Variants in ENTREP2 observed in about 807,000 individuals in gnomAD.
ENTREP2 encodes the protein protein ENTREP2.
At chr15:29,284,032 G>A in the ENTREP2 span, among the ~76,000 whole-genome samples, 10 of 152,164 alleles carry the variant, frequency 6.6e-5, no homozygotes, top group Non-Finnish European at 1.3e-4. Flanking sequence ...GATATGGAGG[G>A]TGGATGCAGG....
the ENTREP2 span, among the ~76,000 whole-genome samples, chr15:29,413,969 C>T: frequency 6.6e-6 from 1 of 152,072 alleles, no homozygotes; most frequent in Non-Finnish European, 1.5e-5. Context: ...TATATATGCA[C>T]CCAATACAGG....
At chr15:29,514,250 G>T in the ENTREP2 span, among the ~76,000 whole-genome samples, 2 of 152,136 alleles carry the variant, frequency 1.3e-5, no homozygotes, top group East Asian at 3.9e-4. Context: ...TCCAGCCCCC[G>T]GCAACCACCA....
At chr15:29,236,530 T>C in the ENTREP2 span, among the ~76,000 whole-genome samples, 1 of 151,768 alleles carries the variant, frequency 6.6e-6, no homozygotes, top group Non-Finnish European at 1.5e-5. Flanking sequence ...GCACCTGTAG[T>C]CCTACCTACT....
the ENTREP2 span, among the ~76,000 whole-genome samples, chr15:29,630,426 A>G: frequency 6.6e-6 from 1 of 152,066 alleles, no homozygotes; most frequent in Non-Finnish European, 1.5e-5. Context: ...TTCAGTTTTC[A>G]GAAGTTTTAT....
At chr15:29,135,625 C>G in the ENTREP2 span, among the ~76,000 whole-genome samples, 2 of 152,184 alleles carry the variant, frequency 1.3e-5, no homozygotes, top group Non-Finnish European at 1.5e-5. The surrounding 1 kb of genome is among the most constrained non-coding windows in gnomAD (Gnocchi z 7.4). Context: ...GGACAACATC[C>G]CATTTCGTCC....
At chr15:29,366,896 A>G in the ENTREP2 span, among the ~76,000 whole-genome samples, 1 of 152,226 alleles carries the variant, frequency 6.6e-6, no homozygotes, top group African/African-American at 2.4e-5. Context: ...ATTTTAGGAC[A>G]GCAAGGAGAT....
the ENTREP2 span, among the ~76,000 whole-genome samples, chr15:29,567,182 A>G: frequency 6.6e-6 from 1 of 152,102 alleles, no homozygotes; most frequent in African/African-American, 2.4e-5. Flanking sequence ...GGGGTCCTCA[A>G]ACAATGGAAA....
chr15:29,579,920 C>T, the ENTREP2 span, among the ~76,000 whole-genome samples: 11 of 151,868 alleles, frequency 7.2e-5, no homozygotes, highest in Non-Finnish European at 2.9e-5. Flanking sequence ...CCGTGTTAGC[C>T]AGGATGGTCT....
At chr15:29,158,194 AC>A in the ENTREP2 span, among the ~76,000 whole-genome samples, 1 of 152,194 alleles carries the variant, frequency 6.6e-6, no homozygotes, top group East Asian at 1.9e-4. Flanking sequence ...ACAGACAGAA[AC>A]ACCAACTCTG....
At chr15:29,263,378 G>A in the ENTREP2 span, among the ~76,000 whole-genome samples, 1 of 152,198 alleles carries the variant, frequency 6.6e-6, no homozygotes, top group African/African-American at 2.4e-5. Context: ...AAGTGGGACA[G>A]AACAAGTTCC....
the ENTREP2 span, among the ~76,000 whole-genome samples, chr15:29,654,723 T>C: frequency 2.6e-5 from 4 of 151,932 alleles, no homozygotes; most frequent in Admixed American, 6.6e-5. Context: ...CACTCTAGGC[T>C]AAAAAAAATT....
At chr15:29,439,597 T>C in the ENTREP2 span, among the ~76,000 whole-genome samples, 1 of 152,212 alleles carries the variant, frequency 6.6e-6, no homozygotes, top group Non-Finnish European at 1.5e-5. Flanking sequence ...TGATTGCTGC[T>C]GGGCCCAGAT....
the ENTREP2 span, among the ~76,000 whole-genome samples, chr15:29,317,458 G>A: frequency 6.6e-6 from 1 of 151,830 alleles, no homozygotes; most frequent in Non-Finnish European, 1.5e-5. Flanking sequence ...AAAATAGTCA[G>A]GAACAGACCT....
the ENTREP2 span, chr15:29,269,274 T>C: frequency 6.2e-7 from 1 of 1,614,164 alleles, no homozygotes; most frequent in East Asian, 2.2e-5. Context: ...TGGGTTCAAG[T>C]TCCACCAGCT....
chr15:29,301,511 G>A, the ENTREP2 span, among the ~76,000 whole-genome samples: 14 of 152,300 alleles, frequency 9.2e-5, no homozygotes, highest in African/African-American at 3.1e-4. Flanking sequence ...AAAACACTTA[G>A]TAAATAAATA....
chr15:29,151,735 A>G, the ENTREP2 span: 1 of 1,550,354 alleles, frequency 6.5e-7, no homozygotes, highest in Non-Finnish European at 8.7e-7. Flanking sequence ...GCCACTCACC[A>G]TCTGCAGGAC....
the ENTREP2 span, among the ~76,000 whole-genome samples, chr15:29,318,887 G>A: frequency 6.6e-6 from 1 of 152,166 alleles, no homozygotes; most frequent in Non-Finnish European, 1.5e-5. Context: ...TCTGCAAACT[G>A]AATGCTCCCT....
chr15:29,186,648 C>T, the ENTREP2 span, among the ~76,000 whole-genome samples: 2 of 152,166 alleles, frequency 1.3e-5, no homozygotes, highest in African/African-American at 4.8e-5. Flanking sequence ...CCACCGGCAC[C>T]ATAGGTGATT....
chr15:29,156,652 G>A, the ENTREP2 span, among the ~76,000 whole-genome samples: 29 of 152,174 alleles, frequency 1.9e-4, no homozygotes, highest in Non-Finnish European at 3.1e-4. Context: ...GAGGAGGCAT[G>A]CAGATGCCGG....
Sources: gnomAD v4.1 joint callset for allele counts (sites outside exome capture counted in the v4.1 genomes callset) on GRCh38, gnomAD v4.1.1 for gene constraint, Gnocchi (gnomAD v3.1) non-coding constraint, MANE v1.5 for transcripts, NCBI Gene and HGNC (gene_info 2026-07-23, HGNC 2026-07-21) for gene names.